Variants in PCDHGA4 observed in about 807,000 individuals in gnomAD.
The protein encoded by PCDHGA4 is protocadherin gamma subfamily A, 4, also known as protocadherin gamma-A4.
In PCDHGA4, 38 loss-of-function variants were observed where a neutral mutation model predicts 54.6. The observed-to-expected ratio is 0.70, with a 90% CI of 0.54 to 0.91. The LOEUF is 0.91. PCDHGA4 is among the 40% of genes least tolerant of loss of function. PCDHGA4 has a pLI of 0.00. For synonymous variants in PCDHGA4, 511 were observed against 512.9 expected (o/e 1.00, Z 0.05); for missense variants, 1,298 against 1,220.9 (o/e 1.06, Z -0.94).
intron 1 of PCDHGA4, among the ~76,000 whole-genome samples, chr5:141,456,736 G>A (rs1339661302): frequency 1.3e-5 from 2 of 151,924 alleles, no homozygotes; most frequent in Non-Finnish European, 2.9e-5. Context: ...AGGCTGAGGC[G>A]GGAGCATCAT....
At chr5:141,450,008 T>C (rs78952430) in intron 1 of PCDHGA4, among the ~76,000 whole-genome samples, 2 of 37,390 alleles carry the variant, frequency 5.3e-5, no homozygotes, top group African/African-American at 6.8e-4. Flanking sequence ...CCATGTCTCT[T>C]TTTTTTTTTT....
intron 1 of PCDHGA4, chr5:141,361,846 G>A (rs1762210359): frequency 1.2e-6 from 2 of 1,612,604 alleles, no homozygotes; most frequent in African/African-American, 1.3e-5. Flanking sequence ...GGGGCCTGAT[G>A]GCTCCGCCCT....
At chr5:141,459,287 G>A (rs1362981410) in intron 1 of PCDHGA4, among the ~76,000 whole-genome samples, 1 of 152,136 alleles carries the variant, frequency 6.6e-6, no homozygotes, top group African/African-American at 2.4e-5. Context: ...TCATCTAAAT[G>A]GAATCCTATA....
In PCDHGA4 at chr5:141,511,251, A is replaced by T. The variant is rs780892899; in HGVS notation, c.*78A>T. 2.0e-5 allele frequency: 32 copies of T among 1,571,672 alleles called. No homozygotes were observed. Among genetic ancestry groups the T allele is most frequent in the Non-Finnish European group, 2.6e-5 (30 of 1,158,828 alleles). ...TTCTCCTTACCTGCACCCAGGCCTC[A>T]GAGTTTCAGGGCTAACCCCCAGAAT... On this transcript the variant is annotated 3_prime_UTR_variant, in exon 4 of 4. Transcript: ENST00000571252.
intron 1 of PCDHGA4, chr5:141,364,541 A>C: frequency 6.2e-7 from 1 of 1,614,130 alleles, no homozygotes; most frequent in African/African-American, 1.3e-5. Flanking sequence ...CTCCAGAGGT[A>C]GGACGCAGCT....
In PCDHGA4 at chr5:141,386,511, T is replaced by C. The variant is rs558161782; in HGVS notation, c.2514+28890T>C. Among the ~76,000 whole-genome samples the C allele has an allele frequency of 2.0e-4, 3 of 15,264 alleles. No homozygotes were observed. The East Asian group carries it at 5.2e-3, about 27-fold the overall frequency. 10.0% of individuals were successfully genotyped at this position (15,264 alleles called of 152,430 possible). ...GATAATATAACAAGACTCTGTCTCTTCAAAAAAAGACTCTTTTTAGACTAG... is the reference window on the plus strand; with the variant it reads ...GATAATATAACAAGACTCTGTCTCTCCAAAAAAAGACTCTTTTTAGACTAG... On this transcript the variant is annotated intron_variant, in intron 1 of 3. Coordinates refer to ENST00000571252, the MANE Select transcript of PCDHGA4 (RefSeq NM_018917.4).
At chr5:141,372,044 GT>G in intron 1 of PCDHGA4, 1 of 1,613,502 alleles carries the variant, frequency 6.2e-7, no homozygotes, top group Non-Finnish European at 8.5e-7. Context: ...GCCTGCGCGT[GT>G]TGGTGGACGA....
intron 1 of PCDHGA4, chr5:141,382,981 GC>G (rs1247248869): frequency 6.2e-7 from 1 of 1,612,206 alleles, no homozygotes; most frequent in African/African-American, 1.3e-5. Flanking sequence ...GGAAGCCTGG[GC>G]AGGACGTATT....
At chr5:141,408,342 TG>T in intron 1 of PCDHGA4, 1 of 1,613,856 alleles carries the variant, frequency 6.2e-7, no homozygotes, top group Non-Finnish European at 8.5e-7. Context: ...GGCTCGGTGG[TG>T]GGGAACCTCG....
Position 141,485,575 on chromosome 5 carries a change from G to C in PCDHGA4, c.2515-9232G>C, listed in dbSNP as rs1200831125. On this transcript the variant is annotated intron_variant, in intron 1 of 3. Coordinates refer to ENST00000571252, the MANE Select transcript of PCDHGA4 (RefSeq NM_018917.4). This position sits in a 1 kb window ranked among gnomAD's most constrained non-coding sequence, Gnocchi z 5.7. ...TGAATGATCACGCCCCCCGTTTTCC[G>C]CGGCAGCAGCTGGACTTGGAAATTG... 2 of 1,612,496 alleles carry C rather than the reference G, an allele frequency of 1.2e-6. No homozygotes were observed. The highest frequency in any genetic ancestry group is 2.7e-5 in the African/African-American group (2 of 74,918).
intron 1 of PCDHGA4, chr5:141,360,708 T>A: frequency 6.2e-7 from 1 of 1,613,948 alleles, no homozygotes; most frequent in Non-Finnish European, 8.5e-7. Context: ...GTCGTAAATA[T>A]CCTGAGTTGA....
intron 2 of PCDHGA4, among the ~76,000 whole-genome samples, chr5:141,497,543 T>C (rs896069181): frequency 4.7e-5 from 7 of 149,068 alleles, no homozygotes; most frequent in Non-Finnish European, 9.0e-5. Context: ...AACAAACCTT[T>C]TTTTTTTTTT....
At position 141,375,636 on chromosome 5, in the gene PCDHGA4, G is replaced by C. The variant is rs1448632834; in HGVS notation, c.2514+18015G>C. On this transcript the variant is annotated intron_variant, in intron 1 of 3. Transcript: ENST00000571252. ...GACACTGGGATTCTGTACGCCCTGC[G>C]CTCCTTCGACTATGAGCAGTTGAGA... The C allele has an allele frequency of 6.2e-6, 10 of 1,614,064 alleles. No individual in the cohort carries two copies. Among genetic ancestry groups the C allele is most frequent in the Non-Finnish European group, 8.5e-6 (10 of 1,180,044 alleles).
chr5:141,460,507 G>A (rs2098991001), intron 1 of PCDHGA4, among the ~76,000 whole-genome samples: 1 of 152,036 alleles, frequency 6.6e-6, no homozygotes. Context: ...ATGCTGAGAA[G>A]GCTATCTTTT....
chr5:141,408,256 T>C, intron 1 of PCDHGA4: 1 of 1,602,226 alleles, frequency 6.2e-7, no homozygotes, highest in East Asian at 2.3e-5. Flanking sequence ...AGGTGCTATT[T>C]CCTTTGCTGC....
Position 141,355,817 on chromosome 5 carries a change from C to G in PCDHGA4, c.710C>G (p.Ala237Gly). ...LERALDREEE[A>G]VHHLVLTAFD... ...CGCGCTCTAGATCGCGAGGAAGAGG[C>G]GGTTCACCACCTCGTTCTCACGGCC... The change falls in exon 1 of 4, where the codon GCG (alanine) becomes GGG (glycine). Residue 237 changes from alanine (A) to glycine (G), a missense_variant. Physicochemically the swap from Ala to Gly is moderately conservative, Grantham distance 60. Coordinates refer to ENST00000571252, the MANE Select transcript of PCDHGA4 (RefSeq NM_018917.4). 6.2e-7 allele frequency: 1 copy of G among 1,612,886 alleles called. No individual in the cohort carries two copies. The highest frequency in any genetic ancestry group is 1.3e-5 in the African/African-American group (1 of 75,028).
intron 1 of PCDHGA4, among the ~76,000 whole-genome samples, chr5:141,362,956 G>A (rs1040793401): frequency 1.3e-5 from 2 of 152,180 alleles, no homozygotes; most frequent in Middle Eastern, 3.2e-3. Flanking sequence ...TTTGGAAATT[G>A]GGAAACAAAG....
At chr5:141,365,680 C>T in intron 1 of PCDHGA4, 1 of 1,613,514 alleles carries the variant, frequency 6.2e-7, no homozygotes, top group Non-Finnish European at 8.5e-7. Flanking sequence ...ACAACCCACC[C>T]AATTTCCCTC....
intron 1 of PCDHGA4, chr5:141,393,422 G>A: frequency 6.2e-7 from 1 of 1,614,042 alleles, no homozygotes; most frequent in Non-Finnish European, 8.5e-7. Context: ...TGGACAGGGA[G>A]GAAGAGGCTG....
Sources: gnomAD v4.1 joint callset for allele counts (sites outside exome capture counted in the v4.1 genomes callset) on GRCh38, gnomAD v4.1.1 for gene constraint, Gnocchi (gnomAD v3.1) non-coding constraint, MANE v1.5 for transcripts, NCBI Gene and HGNC (gene_info 2026-07-23, HGNC 2026-07-21) for gene names.